The following PRRC2B variants were observed in gnomAD, a reference collection of about 807,000 sequenced individuals.
PRRC2B encodes protein PRRC2B.
A neutral mutation model predicts 242.3 loss-of-function variants in PRRC2B; 68 were observed. The observed-to-expected ratio is 0.28, with a 90% CI of 0.23 to 0.34. The LOEUF is 0.34. Among genes scored for constraint, PRRC2B ranks in the 10% least tolerant of loss-of-function variants. The probability of loss-of-function intolerance (pLI) is 1.00; values close to 1 mark genes in which losing one functional copy is unlikely to be tolerated. For synonymous variants in PRRC2B, 1,228 were observed against 1,173.6 expected, an observed-to-expected ratio of 1.05 and a Z score of -0.95; for missense variants, 2,835 against 2,954.8, an observed-to-expected ratio of 0.96 and a Z score of 0.94.
chr9:131,481,870 TC>T, intron 20 of PRRC2B, 62 bp downstream of exon 20: 1 of 1,427,224 alleles, frequency 7.0e-7, no homozygotes, highest in South Asian at 1.2e-5. Context: ...GTGCTCACCA[TC>T]CACACGGCCA....
At chr9:131,483,684 CTG>C (rs1943936041) in intron 23 of PRRC2B, among the ~76,000 whole-genome samples, 1 of 152,226 alleles carries the variant, frequency 6.6e-6, no homozygotes, top group African/African-American at 2.4e-5. Context: ...ATTGTCTCCT[CTG>C]TGCCAGGTGC....
chr9:131,436,049 G>A (rs1050942800), intron 3 of PRRC2B, among the ~76,000 whole-genome samples: 3 of 152,258 alleles, frequency 2.0e-5, no homozygotes, highest in Non-Finnish European at 4.4e-5. Flanking sequence ...TCAGCCCTCT[G>A]AGTAGGTATG....
At chr9:131,486,248 G>A in intron 26 of PRRC2B, 66 bp downstream of exon 26, 1 of 1,093,800 alleles carries the variant, frequency 9.1e-7, no homozygotes, top group South Asian at 1.4e-5. Context: ...GGGCGGAATT[G>A]GCTTGCTCAT....
chr9:131,391,391 C>G (rs193151736), upstream of PRRC2B, among the ~76,000 whole-genome samples: 2 of 152,046 alleles, frequency 1.3e-5, no homozygotes, highest in Non-Finnish European at 2.9e-5. Flanking sequence ...CGACTCCGAC[C>G]CTCCTTCCTT....
chr9:131,491,638 T>C, intron 29 of PRRC2B, 58 bp downstream of exon 29: 9 of 1,483,686 alleles, frequency 6.1e-6, no homozygotes, highest in Non-Finnish European at 8.2e-6. Context: ...CACCAACTTT[T>C]TCTAGCAAGC....
At chr9:131,436,553 G>T in intron 3 of PRRC2B, 67 bp from the exon 4 acceptor site, 2 of 1,278,966 alleles carry the variant, frequency 1.6e-6, no homozygotes, top group South Asian at 1.3e-5. Context: ...TGTGGCTCCT[G>T]AGAACGCAGA....
At chr9:131,406,491 G>A (rs1837364038) in intron 1 of PRRC2B, among the ~76,000 whole-genome samples, 1 of 152,112 alleles carries the variant, frequency 6.6e-6, no homozygotes, top group East Asian at 1.9e-4. Context: ...CTGCAGCTGG[G>A]CCAGCAACAG....
intron 1 of PRRC2B, among the ~76,000 whole-genome samples, chr9:131,417,958 A>AG (rs1837703565): frequency 6.6e-6 from 1 of 152,244 alleles, no homozygotes; most frequent in Admixed American, 6.5e-5. Flanking sequence ...GAGCATGGTG[A>AG]GGCCCAGAGG....
intron 1 of PRRC2B, among the ~76,000 whole-genome samples, chr9:131,386,673 G>T (rs1336126223): frequency 6.7e-6 from 1 of 149,804 alleles, no homozygotes; most frequent in Non-Finnish European, 1.5e-5. Context: ...TGAGGTCAAG[G>T]GCCAGACACC....
At chr9:131,491,624 G>GTGC in intron 29 of PRRC2B, 44 bp downstream of exon 29, 1 of 1,535,722 alleles carries the variant, frequency 6.5e-7, no homozygotes, top group Non-Finnish European at 8.8e-7. Flanking sequence ...AGGGGGCCTT[G>GTGC]TGTCACCAAC....
At chr9:131,404,058 G>A (rs556550874) in intron 1 of PRRC2B, among the ~76,000 whole-genome samples, 1 of 152,096 alleles carries the variant, frequency 6.6e-6, no homozygotes, top group African/African-American at 2.4e-5. Context: ...TAGGATTACA[G>A]GTGTAAGCCA....
At chr9:131,409,662 C>G (rs985065300) in intron 1 of PRRC2B, among the ~76,000 whole-genome samples, 1 of 152,190 alleles carries the variant, frequency 6.6e-6, no homozygotes, top group Non-Finnish European at 1.5e-5. Context: ...ATCAAACTTA[C>G]CGTGAGGTAA....
intron 1 of PRRC2B, among the ~76,000 whole-genome samples, chr9:131,387,182 G>A (rs1226471730): frequency 6.7e-6 from 1 of 150,076 alleles, no homozygotes; most frequent in Non-Finnish European, 1.5e-5. Flanking sequence ...TGTATTTTTA[G>A]TAGAGACGGG....
intron 1 of PRRC2B, among the ~76,000 whole-genome samples, chr9:131,421,156 G>T (rs990595023): frequency 1.3e-5 from 2 of 152,188 alleles, no homozygotes; most frequent in Non-Finnish European, 2.9e-5. Context: ...TTACTGTCTG[G>T]CCCTTTACAG....
chr9:131,434,471 A>G (rs575997613), intron 3 of PRRC2B, among the ~76,000 whole-genome samples: 187 of 152,194 alleles, frequency 1.2e-3, no homozygotes, highest in African/African-American at 4.5e-3. Context: ...GCCCCAGGCC[A>G]CATCCTCCCA....
At chr9:131,414,917 C>T (rs1275103251) in intron 1 of PRRC2B, among the ~76,000 whole-genome samples, 1 of 151,986 alleles carries the variant, frequency 6.6e-6, no homozygotes, top group African/African-American at 2.4e-5. Flanking sequence ...TGTTTTTGTC[C>T]CTCCACACGT....
At chr9:131,490,712 AC>A in intron 28 of PRRC2B, 1 of 421,870 alleles carries the variant, frequency 2.4e-6, no homozygotes, top group Non-Finnish European at 4.8e-6. Context: ...GCTTCAAAGG[AC>A]CCCCACAGTC....
chr9:131,376,353 C>CAA (rs34978838), intron 1 of PRRC2B, among the ~76,000 whole-genome samples: 33,735 of 111,848 alleles, frequency 0.3, 4,366 homozygotes, highest in Middle Eastern at 0.41. Flanking sequence ...GACTCCATCT[C>CAA]AAAAAAAAAA....
chr9:131,384,023 A>G (rs1234560108), intron 1 of PRRC2B, among the ~76,000 whole-genome samples: 2 of 149,444 alleles, frequency 1.3e-5, no homozygotes, highest in African/African-American at 2.5e-5. Context: ...GGTTCAGCTG[A>G]TCTTCCCACC....
Sources: gnomAD v4.1 joint callset for allele counts (sites outside exome capture counted in the v4.1 genomes callset) on GRCh38, gnomAD v4.1.1 for gene constraint, MANE v1.5 for transcripts, NCBI Gene and HGNC (gene_info 2026-07-23, HGNC 2026-07-21) for gene names.